CACNG7: variants seen among roughly 807,000 people sequenced by gnomAD.
CACNG7 encodes the protein voltage-dependent calcium channel gamma-7 subunit.
Under a neutral mutation model 26.3 loss-of-function variants are expected in CACNG7, and 9 were observed. The ratio of observed to expected loss-of-function variants is 0.34; its 90% CI spans 0.21 to 0.60. CACNG7 has a LOEUF of 0.60. CACNG7 is among the 20% of genes least tolerant of loss of function. The probability of loss-of-function intolerance (pLI) is 0.81; values close to 1 mark genes in which losing one functional copy is unlikely to be tolerated. For missense variants in CACNG7, 297 were observed against 380.4 expected, an observed-to-expected ratio of 0.78 and a Z score of 1.82; for synonymous variants, 170 against 157.0, an observed-to-expected ratio of 1.08 and a Z score of -0.62.
intron 4 of CACNG7, among the ~76,000 whole-genome samples, chr19:53,917,011 T>C (rs2068903214): frequency 6.6e-6 from 1 of 152,084 alleles, no homozygotes; most frequent in African/African-American, 2.4e-5. Flanking sequence ...TTGGCCAGGC[T>C]GGTCTTGAAC....
chr19:53,920,982 G>A (rs1248513996), intron 4 of CACNG7, among the ~76,000 whole-genome samples: 1 of 90,634 alleles, frequency 1.1e-5, no homozygotes, highest in African/African-American at 6.2e-5. Flanking sequence ...GCTGGTCATT[G>A]GTGGAGTTGC....
intron 4 of CACNG7, among the ~76,000 whole-genome samples, chr19:53,927,673 A>G (rs1012795057): frequency 2.4e-4 from 36 of 152,010 alleles, no homozygotes; most frequent in Non-Finnish European, 5.0e-4. Context: ...CCCCGTCTCT[A>G]TTAAAAACAC....
chr19:53,915,013 A>AAAT (rs1555809835), intron 3 of CACNG7, among the ~76,000 whole-genome samples: 51 of 148,876 alleles, frequency 3.4e-4, no homozygotes, highest in African/African-American at 1.2e-3. Context: ...CTCAAAAAAA[A>AAAT]AAATAAATAA....
At position 53,942,636 on chromosome 19, in the gene CACNG7, G is replaced by C. The variant is rs1057001901; in HGVS notation, c.*343G>C. 6.3e-6 allele frequency: 7 copies of C among 1,110,686 alleles called. No homozygotes were observed. In the African/African-American group the frequency reaches 1.1e-4, roughly 18 times the overall value. 68.8% of individuals were successfully genotyped at this position (1,110,686 alleles called of 1,614,324 possible). A position where few individuals can be genotyped will look rare whatever the true frequency, so the allele number is the denominator to read the frequency against. On this transcript the variant is annotated 3_prime_UTR_variant, in exon 6 of 6. Transcript: ENST00000391767. This position sits in a 1 kb window ranked among gnomAD's most constrained non-coding sequence, Gnocchi z 5.9. ...TCTGAGCTGGGAGCAGCCAGAGGCG[G>C]TGCAAGCGCCCAGCTCCCCAGAGCT...
chr19:53,919,239 G>A (rs913274548), intron 4 of CACNG7, among the ~76,000 whole-genome samples: 5 of 152,224 alleles, frequency 3.3e-5, no homozygotes, highest in Admixed American at 6.5e-5. Context: ...CTTGGGACTT[G>A]GAATGGAATA....
intron 4 of CACNG7, among the ~76,000 whole-genome samples, chr19:53,931,685 T>TAAAAAAA (rs747430354): frequency 2.4e-4 from 11 of 44,902 alleles, no homozygotes; most frequent in South Asian, 1.1e-3. Context: ...AGACTCTGTC[T>TAAAAAAA]AAAAAAAAAA....
chr19:53,931,220 T>TAAATAAATAAATAAATA (rs2069069283), intron 4 of CACNG7, among the ~76,000 whole-genome samples: 1 of 152,154 alleles, frequency 6.6e-6, no homozygotes, highest in Non-Finnish European at 1.5e-5. Context: ...AATAGAAGAA[T>TAAATAAATAAATAAATA]AATACATTCG....
chr19:53,918,846 G>A (rs2068915483), intron 4 of CACNG7, among the ~76,000 whole-genome samples: 1 of 152,104 alleles, frequency 6.6e-6, no homozygotes, highest in Non-Finnish European at 1.5e-5. Context: ...TCGGCTCACT[G>A]CAACCTCCGC....
intron 2 of CACNG7, among the ~76,000 whole-genome samples, chr19:53,913,785 T>TA (rs58238779): frequency 0.089 from 8,348 of 93,530 alleles, 1,045 homozygotes; most frequent in African/African-American, 0.28. Flanking sequence ...CCCAGTCTCT[T>TA]AAAAAAAAAA....
chr19:53,919,554 GTTGCCCCAGGCTGGTCATTGGTGGAC>G lies in CACNG7; in HGVS notation c.424+4075_424+4100del, dbSNP rs1350997825. 3.2e-3 allele frequency among the ~76,000 whole-genome samples: 444 copies of G among 139,018 alleles called. 24 individuals carry two copies. Among genetic ancestry groups the G allele is most frequent in the African/African-American group, 0.012 (400 of 34,338 alleles). 91.2% of individuals were successfully genotyped at this position (139,018 alleles called of 152,430 possible). ...TGCCTCAGGTCTGGTCATTGGTGGA[GTTGCCCCAGGCTGGTCATTGGTGGAC>G]TTGCCCCAGGCTGGTCATTGGTGGA... On this transcript the variant is annotated intron_variant, in intron 4 of 5. Coordinates refer to ENST00000391767, the MANE Select transcript of CACNG7 (RefSeq NM_031896.5).
chr19:53,927,038 G>T (rs899888318), intron 4 of CACNG7, among the ~76,000 whole-genome samples: 7 of 151,858 alleles, frequency 4.6e-5, no homozygotes, highest in African/African-American at 1.7e-4. Context: ...TCCTGCCTTA[G>T]CCTCCCATGT....
intron 4 of CACNG7, among the ~76,000 whole-genome samples, chr19:53,926,515 T>C (rs1293122315): frequency 6.6e-6 from 1 of 152,164 alleles, no homozygotes; most frequent in African/African-American, 2.4e-5. Flanking sequence ...TCCCTTACCC[T>C]GGCGATACTA....
intron 4 of CACNG7, among the ~76,000 whole-genome samples, chr19:53,922,817 G>C (rs34225693): frequency 1.5e-5 from 1 of 64,708 alleles, no homozygotes; most frequent in Non-Finnish European, 2.7e-5. Context: ...GTCATTGGTG[G>C]AGTTGTCCCA....
chr19:53,930,714 G>A lies in CACNG7; in HGVS notation c.425-10756G>A, dbSNP rs2069066189. Among the ~76,000 whole-genome samples, 4 of 151,628 alleles carry A rather than the reference G, an allele frequency of 2.6e-5. No homozygotes were observed. The South Asian group carries it at 8.3e-4, about 31-fold the overall frequency. On this transcript the variant is annotated intron_variant, in intron 4 of 5. Transcript: ENST00000391767. ...GTAGAGATGGTGTTTCACCATGTTG[G>A]CCAGGCTGGTCTTGAACTCCTGACC...
At position 53,914,497 on chromosome 19, in the gene CACNG7, C is replaced by CA; in HGVS notation, c.197-2dup. ...CAGCCCTGTCTGTTTCTCTTCCCCCCAGGTCGGGAGAAAGGTCGCTGTGTG... is the reference window on the plus strand; with the variant it reads ...CAGCCCTGTCTGTTTCTCTTCCCCCCAAGGTCGGGAGAAAGGTCGCTGTGTG... On this transcript the variant is annotated splice_region_variant and splice_polypyrimidine_tract_variant and intron_variant, in intron 2 of 5. Transcript: ENST00000391767. 1 of 1,613,818 alleles carries CA rather than the reference C, an allele frequency of 6.2e-7. No homozygotes were observed. The highest frequency in any genetic ancestry group is 8.5e-7 in the Non-Finnish European group (1 of 1,179,786).
chr19:53,922,707 G>A (rs2068972191), intron 4 of CACNG7, among the ~76,000 whole-genome samples: 1 of 73,116 alleles, frequency 1.4e-5, no homozygotes, highest in Admixed American at 1.0e-4. Context: ...CTGGTCATTG[G>A]TGGAGTTGCC....
intron 4 of CACNG7, among the ~76,000 whole-genome samples, chr19:53,934,608 TA>T (rs750263689): frequency 0.025 from 3,603 of 142,558 alleles, 96 homozygotes; most frequent in African/African-American, 0.068. Flanking sequence ...CCCTGTCTCT[TA>T]AAAAAAAAAA....
chr19:53,934,271 A>T (rs1160010126), intron 4 of CACNG7, among the ~76,000 whole-genome samples: 1 of 152,174 alleles, frequency 6.6e-6, no homozygotes, highest in African/African-American at 2.4e-5. Flanking sequence ...TGTAACCTGG[A>T]AGTTCTGTCT....
chr19:53,937,908 A>G (rs890623571), intron 4 of CACNG7, among the ~76,000 whole-genome samples: 4 of 152,064 alleles, frequency 2.6e-5, no homozygotes, highest in African/African-American at 4.8e-5. Context: ...GGTCTTTCTA[A>G]AGAGGCAACA....
Sources: gnomAD v4.1 joint callset for allele counts (sites outside exome capture counted in the v4.1 genomes callset) on GRCh38, gnomAD v4.1.1 for gene constraint, Gnocchi (gnomAD v3.1) non-coding constraint, MANE v1.5 for transcripts, NCBI Gene and HGNC (gene_info 2026-07-23, HGNC 2026-07-21) for gene names.